KCNT2: variants seen among roughly 807,000 people sequenced by gnomAD.
KCNT2 encodes potassium channel subfamily T member 2.
Under a neutral mutation model 153.8 loss-of-function variants are expected in KCNT2, and 67 were observed. The ratio of observed to expected loss-of-function variants is 0.44; its 90% CI spans 0.36 to 0.53. The LOEUF is 0.53. KCNT2 is among the 20% of genes least tolerant of loss of function. The probability of loss-of-function intolerance (pLI) is 0.00; values close to 1 mark genes in which losing one functional copy is unlikely to be tolerated. For synonymous variants in KCNT2, 500 were observed against 458.8 expected, an observed-to-expected ratio of 1.09 and a Z score of -1.15; for missense variants, 975 against 1,354.8, an observed-to-expected ratio of 0.72 and a Z score of 4.40.
chr1:196,350,840 T>C (rs1201152907), intron 14 of KCNT2, among the ~76,000 whole-genome samples: 2 of 152,182 alleles, frequency 1.3e-5, no homozygotes, highest in African/African-American at 4.8e-5. Flanking sequence ...GTTTTAGGTC[T>C]AACGTTTAAG....
intron 14 of KCNT2, among the ~76,000 whole-genome samples, chr1:196,361,743 C>T (rs1667641014): frequency 6.6e-6 from 1 of 152,078 alleles, no homozygotes; most frequent in Admixed American, 6.6e-5. Flanking sequence ...ACTTTCAAAT[C>T]TGACTGAAAC....
At chr1:196,239,754 C>A (rs1654778979) in intron 26 of KCNT2, among the ~76,000 whole-genome samples, 1 of 151,712 alleles carries the variant, frequency 6.6e-6, no homozygotes, top group Non-Finnish European at 1.5e-5. Context: ...ATTGTGTGTT[C>A]CCCCACAAAT....
At chr1:196,372,995 A>G in intron 14 of KCNT2, 145 bp downstream of exon 14, 1 of 519,574 alleles carries the variant, frequency 1.9e-6, no homozygotes, top group East Asian at 3.4e-5. Context: ...TTATTTATCT[A>G]CCAGATAAAG....
At position 196,579,502 on chromosome 1, in the gene KCNT2, C is replaced by CT. The variant is rs533302329; in HGVS notation, c.95+28712dup. Among the ~76,000 whole-genome samples the CT allele has an allele frequency of 5.8e-3, 872 of 151,012 alleles. 4 individuals are homozygous for CT. Among genetic ancestry groups the CT allele is most frequent in the Middle Eastern group, 0.01 (3 of 294 alleles). ...AAAAGTGAAAAAAAAAGTAGAAATTCTTTTTTTTTGAGATGCAGTCTCACT... is the reference window on the plus strand; with the variant it reads ...AAAAGTGAAAAAAAAAGTAGAAATTCTTTTTTTTTTGAGATGCAGTCTCACT... On this transcript the variant is annotated intron_variant, in intron 1 of 27. Transcript: ENST00000294725.
In KCNT2 at chr1:196,244,932, G is replaced by A. The variant is rs530352637; in HGVS notation, c.3212-8862C>T. Reference sequence around the variant, plus strand: ...GTGTTGGCTTCAGGTCTGACCCATTGCAGTCCCAGTAGTGCTGGCCAGAGG... The same window carrying A: ...GTGTTGGCTTCAGGTCTGACCCATTACAGTCCCAGTAGTGCTGGCCAGAGG... On this transcript the variant is annotated intron_variant, in intron 26 of 27. Transcript: ENST00000294725. Among the ~76,000 whole-genome samples the A allele has an allele frequency of 7.2e-4, 110 of 152,244 alleles. 1 individual carries two copies. Among genetic ancestry groups the A allele is most frequent in the African/African-American group, 2.6e-3 (107 of 41,560 alleles).
chr1:196,310,628 A>G (rs569430942), intron 21 of KCNT2, among the ~76,000 whole-genome samples: 2 of 151,996 alleles, frequency 1.3e-5, no homozygotes, highest in Non-Finnish European at 2.9e-5. Context: ...TCGTAAGATT[A>G]TGACTACTTG....
intron 1 of KCNT2, among the ~76,000 whole-genome samples, chr1:196,576,957 C>T (rs185321730): frequency 1.2e-4 from 18 of 152,128 alleles, no homozygotes; most frequent in Admixed American, 2.0e-4. Flanking sequence ...TCGATTTTTC[C>T]ATATTTGCAT....
rs1176463630 is a variant in KCNT2, at chr1:196,240,491, T to C, written c.3212-4421A>G. Among the ~76,000 whole-genome samples, 3 of 152,162 alleles carry C rather than the reference T, an allele frequency of 2.0e-5. No homozygotes were observed. In the East Asian group the frequency reaches 5.8e-4, roughly 29 times the overall value. ...GTGCAACATAAAGGTTATGTATTAT[T>C]ATAGTAGCAGGCAAAATCAAGCAGT... On this transcript the variant is annotated intron_variant, in intron 26 of 27. Transcript: ENST00000294725.
At chr1:196,410,067 G>A (rs111989539) in intron 12 of KCNT2, among the ~76,000 whole-genome samples, 8,756 of 151,632 alleles carry the variant, frequency 0.058, 389 homozygotes, top group Non-Finnish European at 0.085. Flanking sequence ...CTGTTCAAAC[G>A]TGATACTTGT....
intron 13 of KCNT2, among the ~76,000 whole-genome samples, chr1:196,385,900 C>T (rs547990984): frequency 2.0e-4 from 30 of 152,074 alleles, no homozygotes; most frequent in African/African-American, 6.7e-4. Flanking sequence ...GTATTCATGC[C>T]TGTGCTGTTC....
intron 8 of KCNT2, among the ~76,000 whole-genome samples, chr1:196,455,968 C>A (rs571025838): frequency 6.6e-6 from 1 of 152,018 alleles, no homozygotes; most frequent in African/African-American, 2.4e-5. Flanking sequence ...TCACTCCAGC[C>A]GATGTCCACC....
At chr1:196,526,425 G>A (rs1010762690) in intron 1 of KCNT2, among the ~76,000 whole-genome samples, 6 of 150,824 alleles carry the variant, frequency 4.0e-5, no homozygotes, top group African/African-American at 1.5e-4. Flanking sequence ...TACTCGCTCT[G>A]AGTCTTAGAA....
chr1:196,291,059 A>G (rs1433700351), intron 22 of KCNT2, among the ~76,000 whole-genome samples: 1 of 152,130 alleles, frequency 6.6e-6, no homozygotes, highest in African/African-American at 2.4e-5. Context: ...AGTAAGTCAG[A>G]TGATTGACTA....
At chr1:196,253,863 T>G (rs1238240540) in intron 26 of KCNT2, among the ~76,000 whole-genome samples, 1 of 151,580 alleles carries the variant, frequency 6.6e-6, no homozygotes, top group African/African-American at 2.4e-5. Context: ...CAAAAAAATT[T>G]TATTTGATTC....
chr1:196,559,479 C>T (rs1659105425), intron 1 of KCNT2, among the ~76,000 whole-genome samples: 1 of 151,486 alleles, frequency 6.6e-6, no homozygotes, highest in African/African-American at 2.4e-5. Context: ...GGGTAGATTC[C>T]CAGAAGTGGA....
At chr1:196,409,544 T>C (rs575528162) in intron 12 of KCNT2, among the ~76,000 whole-genome samples, 1 of 151,786 alleles carries the variant, frequency 6.6e-6, no homozygotes, top group East Asian at 1.9e-4. Flanking sequence ...TATATATATT[T>C]ACCAACATAT....
At chr1:196,257,968 G>T (rs1656660785) in intron 26 of KCNT2, 2 of 1,180,436 alleles carry the variant, frequency 1.7e-6, no homozygotes, top group Non-Finnish European at 2.1e-6. Flanking sequence ...TTCATGTAAT[G>T]GGTTTAGCAC....
chr1:196,598,971 C>G (rs1572939714), intron 1 of KCNT2, among the ~76,000 whole-genome samples: 1 of 152,284 alleles, frequency 6.6e-6, no homozygotes, highest in East Asian at 1.9e-4. Flanking sequence ...TGAAATAGCA[C>G]ATAAACTCTT....
At chr1:196,584,495 T>G (rs1030056140) in intron 1 of KCNT2, among the ~76,000 whole-genome samples, 10 of 152,012 alleles carry the variant, frequency 6.6e-5, no homozygotes, top group Non-Finnish European at 1.3e-4. Flanking sequence ...GCTGGAAAAT[T>G]TATTTGTAAG....
Sources: gnomAD v4.1 joint callset for allele counts (sites outside exome capture counted in the v4.1 genomes callset) on GRCh38, gnomAD v4.1.1 for gene constraint, MANE v1.5 for transcripts, NCBI Gene and HGNC (gene_info 2026-07-23, HGNC 2026-07-21) for gene names.